ZNF518A: variants seen among roughly 807,000 people sequenced by gnomAD.
ZNF518A encodes the protein zinc finger protein 518.
In ZNF518A, 47 loss-of-function variants were observed where a neutral mutation model predicts 102.7. The observed-to-expected ratio is 0.46, with a 90% CI of 0.36 to 0.58. ZNF518A has a LOEUF of 0.58. Ranked by LOEUF, ZNF518A falls within the 20% of genes least tolerant of loss-of-function variation. ZNF518A has a pLI of 0.00. For synonymous variants in ZNF518A, 652 were observed against 594.6 expected, an observed-to-expected ratio of 1.10 and a Z score of -1.40; for missense variants, 1,793 against 1,699.8, an observed-to-expected ratio of 1.05 and a Z score of -0.96.
chr10:96,145,520 G>A (rs587698478), intron 3 of ZNF518A, among the ~76,000 whole-genome samples: 2 of 152,244 alleles, frequency 1.3e-5, no homozygotes, highest in Non-Finnish European at 2.9e-5. Context: ...AATTTATATA[G>A]CATGAATGAA....
intron 3 of ZNF518A, among the ~76,000 whole-genome samples, chr10:96,139,102 A>T (rs1303343435): frequency 6.6e-6 from 1 of 152,072 alleles, no homozygotes; most frequent in Non-Finnish European, 1.5e-5. Flanking sequence ...AAGGCCTGAG[A>T]TAGGATGGAT....
chr10:96,195,657 A>G (rs2083446966), intron 1 of ZNF518A, among the ~76,000 whole-genome samples: 1 of 152,138 alleles, frequency 6.6e-6, no homozygotes, highest in African/African-American at 2.4e-5. Flanking sequence ...AGGGAGGGGG[A>G]AAAGGGAAAC....
downstream of ZNF518A, among the ~76,000 whole-genome samples, chr10:96,167,344 C>T (rs1231425602): frequency 2.4e-4 from 37 of 152,086 alleles, no homozygotes; most frequent in Admixed American, 2.4e-3. Flanking sequence ...GTCCCAGCTA[C>T]TCAGGAGGCT....
At position 96,160,346 on chromosome 10, in the gene ZNF518A, A is replaced by G. The variant is rs782585678; in HGVS notation, c.4024A>G (p.Arg1342Gly). 1.2e-6 allele frequency: 2 copies of G among 1,613,648 alleles called. No homozygotes were observed. The highest frequency in any genetic ancestry group is 1.7e-6 in the Non-Finnish European group (2 of 1,179,654). Reference protein sequence around the residue: ...FSSKQLVKCPRRNQPVVVLNH... With the variant: ...FSSKQLVKCPGRNQPVVVLNH... ...TTCTAAACAGCTTGTGAAATGTCCT[A>G]GGAGAAACCAACCAGTTGTAGTTTT... Residue 1342 changes from arginine to glycine, a missense_variant, in exon 6 of 6, where the codon AGG (arginine) becomes GGG (glycine). Arg to Gly is a moderately radical substitution (Grantham distance 125). This residue lies in a region of ZNF518A where 1,741 missense variants were observed against 1,622.6 expected (regional missense o/e 1.07). Transcript: ENST00000316045.
chr10:96,167,306 A>T (rs1554890476), downstream of ZNF518A, among the ~76,000 whole-genome samples: 1 of 151,984 alleles, frequency 6.6e-6, no homozygotes, highest in Non-Finnish European at 1.5e-5. Flanking sequence ...ACTAAAAATA[A>T]ATTGGCCAAG....
At chr10:96,176,042 A>C (rs2133887777) in intron 1 of ZNF518A, among the ~76,000 whole-genome samples, 1 of 152,198 alleles carries the variant, frequency 6.6e-6, no homozygotes, top group East Asian at 1.9e-4. Flanking sequence ...GGGCTCAAGC[A>C]ATCCTGCCTC....
chr10:96,194,485 C>A (rs1278443705), intron 1 of ZNF518A, among the ~76,000 whole-genome samples: 4 of 151,792 alleles, frequency 2.6e-5, no homozygotes, highest in Non-Finnish European at 4.4e-5. Flanking sequence ...GCAAAAAAAG[C>A]AAAAATAGAG....
At chr10:96,185,617 G>T (rs587674160) in intron 1 of ZNF518A, among the ~76,000 whole-genome samples, 38 of 152,318 alleles carry the variant, frequency 2.5e-4, no homozygotes, top group Admixed American at 1.9e-3. Context: ...GACCCTCTTT[G>T]CCTGGGTATC....
At position 96,132,012 on chromosome 10, in the gene ZNF518A, CT is replaced by C. The variant is rs57428783; in HGVS notation, c.-452-561del. Among the ~76,000 whole-genome samples, 474 of 144,240 alleles carry C rather than the reference CT, an allele frequency of 3.3e-3. 2 individuals carry two copies. The highest frequency in any genetic ancestry group is 8.4e-3 in the African/African-American group (332 of 39,748). 94.6% of individuals were successfully genotyped at this position (144,240 alleles called of 152,430 possible). A position where few individuals can be genotyped will look rare whatever the true frequency, so the allele number is the denominator to read the frequency against. On this transcript the variant is annotated intron_variant, in intron 1 of 5. Coordinates refer to ENST00000316045, the MANE Select transcript of ZNF518A (RefSeq NM_001330736.2). The stretch of plus-strand genomic sequence containing the variant: ...GCATACTTTAGAGCACTTAATACTA[CT>C]TTTTTTTTTTTTCTTTAAATGATAG...
Position 96,158,051 on chromosome 10 carries a change from G to C in ZNF518A, c.1729G>C (p.Asp577His). The C allele has an allele frequency of 6.2e-7, 1 of 1,613,672 alleles. No homozygotes were observed. Among genetic ancestry groups the C allele is most frequent in the East Asian group, 2.2e-5 (1 of 44,868 alleles). The change falls in exon 6 of 6, where the codon GAC becomes CAC. Residue 577 changes from aspartate to histidine, a missense_variant. Asp to His is a moderately conservative substitution (Grantham distance 81, BLOSUM62 -1). Transcript: ENST00000316045. ...AAAATTTGAAACAAGAGATAATGTT[G>C]ACTTCTGGGGAAATCATCTCACTCA... Reference protein sequence around the residue: ...TTKFETRDNVDFWGNHLTQSH... With the variant: ...TTKFETRDNVHFWGNHLTQSH...
chr10:96,141,860 C>T (rs886505335), intron 3 of ZNF518A, among the ~76,000 whole-genome samples: 7 of 151,702 alleles, frequency 4.6e-5, no homozygotes, highest in African/African-American at 1.5e-4. Flanking sequence ...CCACCTCAGC[C>T]TCCTGAGTGC....
chr10:96,204,349 C>A, downstream of ZNF518A: 1 of 742,260 alleles, frequency 1.3e-6, no homozygotes, highest in East Asian at 2.7e-5. Context: ...ATTAGTAGGT[C>A]TCTGCAACTC....
chr10:96,165,488 AAC>A (rs1326782893), downstream of ZNF518A, among the ~76,000 whole-genome samples: 2,649 of 81,022 alleles, frequency 0.033, 24 homozygotes, highest in East Asian at 0.08. Flanking sequence ...AAAAAAAAAA[AAC>A]AGACACCAAA....
chr10:96,199,421 A>G lies in ZNF518A; in HGVS notation n.36-4153A>G, dbSNP rs1179685472. 3 of 403,076 alleles carry G rather than the reference A, an allele frequency of 7.4e-6. No homozygotes were observed. In the East Asian group the frequency reaches 2.2e-4, roughly 30 times the overall value. The allele number at this position is 403,076 out of a possible 1,614,324, so 25.0% of individuals were successfully genotyped here. On this transcript the variant is annotated intron_variant and non_coding_transcript_variant, in intron 1 of 2. Coordinates refer to the ZNF518A transcript ENST00000442635. ...TTAATCCTGCACATTGATCCAAAAT[A>G]GCCTGTCACTGTTCACTCCTCAGTG...
At chr10:96,167,039 T>G (rs1244302934), downstream of ZNF518A, among the ~76,000 whole-genome samples, 1 of 152,188 alleles carries the variant, frequency 6.6e-6, no homozygotes, top group East Asian at 1.9e-4. Context: ...AATGTCCAGT[T>G]TCAACACAAA....
chr10:96,177,209 A>G (rs868994827), intron 1 of ZNF518A, among the ~76,000 whole-genome samples: 1 of 152,250 alleles, frequency 6.6e-6, no homozygotes, highest in African/African-American at 2.4e-5. Flanking sequence ...ATCAGAAACT[A>G]TGCAATCCAG....
Position 96,200,633 on chromosome 10 carries a change from T to C in ZNF518A, n.36-2941T>C, listed in dbSNP as rs1554895881. On this transcript the variant is annotated intron_variant and non_coding_transcript_variant, in intron 1 of 2. Coordinates refer to the ZNF518A transcript ENST00000442635. This position sits in a 1 kb window ranked among gnomAD's most constrained non-coding sequence, Gnocchi z 4.3. ...CCAAGGGCACACAGAGTCCTTTCTC[T>C]GTCCCTTTATAAACTGTGCTGTCTT... is the stretch of plus-strand genomic sequence containing the variant. Among the ~76,000 whole-genome samples, 1 of 152,264 alleles carries C rather than the reference T, an allele frequency of 6.6e-6. No individual in the cohort carries two copies. The highest frequency in any genetic ancestry group is 2.4e-5 in the African/African-American group (1 of 41,472).
chr10:96,177,631 T>C (rs1468479799), intron 1 of ZNF518A, among the ~76,000 whole-genome samples: 1 of 152,128 alleles, frequency 6.6e-6, no homozygotes, highest in Admixed American at 6.6e-5. Flanking sequence ...ATATGTGTAT[T>C]GTATAGCCTA....
chr10:96,177,621 A>G (rs2083213484), intron 1 of ZNF518A, among the ~76,000 whole-genome samples: 1 of 152,202 alleles, frequency 6.6e-6, no homozygotes, highest in Non-Finnish European at 1.5e-5. Context: ...GATAAGTCAC[A>G]TATGTGTATT....
Sources: allele counts gnomAD v4.1 joint callset (sites outside exome capture counted in the v4.1 genomes callset), GRCh38; gene constraint gnomAD v4.1.1; regional missense constraint gnomAD v4.1.1; non-coding constraint Gnocchi (gnomAD v3.1); transcripts MANE v1.5; gene names NCBI Gene and HGNC (gene_info 2026-07-23, HGNC 2026-07-21).